MED12: variants seen among roughly 807,000 people sequenced by gnomAD.
MED12 encodes the protein mediator of RNA polymerase II transcription subunit 12.
In MED12, 10 loss-of-function variants were observed where a neutral mutation model predicts 177.7. The ratio of observed to expected loss-of-function variants is 0.06; its 90% CI spans 0.03 to 0.10. The LOEUF (loss-of-function observed/expected upper bound fraction) is 0.10, where lower values mean the gene tolerates loss of function less well. Ranked by LOEUF, MED12 falls within the 10% of genes least tolerant of loss-of-function variation. The probability of loss-of-function intolerance (pLI) is 1.00; values close to 1 mark genes in which losing one functional copy is unlikely to be tolerated. For missense variants in MED12, 867 were observed against 1,780.8 expected, an observed-to-expected ratio of 0.49 and a Z score of 9.23; for synonymous variants, 641 against 678.4, an observed-to-expected ratio of 0.94 and a Z score of 0.86.
chrX:71,121,745 A>G lies in MED12; in HGVS notation c.1030A>G (p.Thr344Ala). Residue 344 changes from threonine to alanine, a missense_variant, in exon 7 of 45, where the codon ACT (threonine) becomes GCT (alanine). Physicochemically the swap from Thr to Ala is moderately conservative, Grantham distance 58. Transcript: ENST00000374080. ...PQPPTSSTPS[T>A]PFSDLLMCPQ... The stretch of plus-strand genomic sequence containing the variant: ...GCCCCCAACTAGCAGCACACCCTCG[A>G]CTCCCTTTAGTGACCTGCTTATGTG... 8.3e-7 allele frequency: 1 copy of G among 1,209,510 alleles called. No individual in the cohort carries two copies. The highest frequency in any genetic ancestry group is 1.1e-6 in the Non-Finnish European group (1 of 894,794).
chrX:71,127,600 C>A (rs1177598697), intron 21 of MED12, 133 bp downstream of exon 21: 2 of 586,816 alleles, frequency 3.4e-6, no homozygotes, highest in African/African-American at 2.2e-5. Flanking sequence ...GTGTCCTCCA[C>A]ATACTGTTGT....
Position 71,118,743 on chromosome X carries a change from G to A in MED12, c.-12G>A, listed in dbSNP as rs754723833. On this transcript the variant is annotated 5_prime_UTR_variant, in exon 1 of 45. Coordinates refer to ENST00000374080, the MANE Select transcript of MED12 (RefSeq NM_005120.3). Reference sequence around the variant, plus strand: ...GCCCTGCTGGTGCCTCCGGCGCTACGGGCTGGGCAAGATGGCGGCCTTCGG... The same window carrying A: ...GCCCTGCTGGTGCCTCCGGCGCTACAGGCTGGGCAAGATGGCGGCCTTCGG... 1 of 1,205,030 alleles carries A rather than the reference G, an allele frequency of 8.3e-7. No homozygotes were observed. The highest frequency in any genetic ancestry group is 1.1e-6 in the Non-Finnish European group (1 of 892,170).
At chrX:71,131,465 A>G in intron 28 of MED12, 85 bp from the exon 29 acceptor site, 1 of 892,816 alleles carries the variant, frequency 1.1e-6, no homozygotes. Context: ...TCAATGTTGC[A>G]GGAGATCAGG....
At chrX:71,129,557 G>A in intron 26 of MED12, 123 bp from the exon 27 acceptor site, 1 of 996,047 alleles carries the variant, frequency 1.0e-6, no homozygotes, top group South Asian at 2.0e-5. Context: ...GGGAGGGAGA[G>A]AAGTATATTT....
chrX:71,141,001 G>A, intron 42 of MED12, 144 bp downstream of exon 42: 1 of 1,116,490 alleles, frequency 9.0e-7, no homozygotes, highest in Non-Finnish European at 1.2e-6. Context: ...TGCTGGAGAA[G>A]TTTTCTACCC....
chrX:71,140,704 C>A lies in MED12; in HGVS notation c.6114C>A (p.Val2038=). 2.9e-5 allele frequency: 35 copies of A among 1,209,646 alleles called. No homozygotes were observed. The highest frequency in any genetic ancestry group is 3.9e-5 in the Non-Finnish European group (35 of 894,977). ...STMTPMSAQG[V]QAGVRSTAIL... The stretch of plus-strand genomic sequence containing the variant: ...TGACTCCAATGAGTGCCCAGGGCGT[C>A]CAGGCAGGCGTCCGTTCAACAGCCA... Residue 2038 remains valine (V), a synonymous_variant, in exon 42 of 45, where the codon GTC becomes GTA. Transcript: ENST00000374080.
chrX:71,124,066 T>G (rs1269875967), intron 12 of MED12, 93 bp from the exon 13 acceptor site: 5 of 747,513 alleles, frequency 6.7e-6, no homozygotes, highest in Non-Finnish European at 1.0e-5. Flanking sequence ...TTCTATTTGA[T>G]CACTCTTATT....
chrX:71,123,255 T>C (rs779234357), intron 11 of MED12, 29 bp downstream of exon 11: 46 of 1,208,216 alleles, frequency 3.8e-5, no homozygotes, highest in East Asian at 2.1e-4. Flanking sequence ...GAGAACAAGA[T>C]TGGCCAATGG....
At chrX:71,134,633 C>A in intron 34 of MED12, 80 bp from the exon 35 acceptor site, 1 of 1,160,647 alleles carries the variant, frequency 8.6e-7, no homozygotes, top group Non-Finnish European at 1.2e-6. Flanking sequence ...AGCACCTCTC[C>A]CTGCTTGTGT....
intron 19 of MED12, 123 bp downstream of exon 19, chrX:71,126,607 G>A: frequency 1.2e-6 from 1 of 864,860 alleles, no homozygotes; most frequent in South Asian, 2.1e-5. Context: ...GGGGCAGAAA[G>A]ACTAGCATGG....
intron 21 of MED12, 191 bp downstream of exon 21, chrX:71,127,658 T>TA (rs1462589583): frequency 4.1e-6 from 2 of 482,093 alleles, no homozygotes; most frequent in Non-Finnish European, 7.1e-6. Flanking sequence ...TCCCCGCCTA[T>TA]ATCTGTGGGG....
intron 29 of MED12, 129 bp downstream of exon 29, chrX:71,131,750 A>G: frequency 1.5e-6 from 1 of 657,162 alleles, no homozygotes; most frequent in East Asian, 3.5e-5. Flanking sequence ...AGGGGATGGG[A>G]AAATGGTGAA....
Position 71,119,843 on chromosome X carries a change from C to T in MED12, c.362C>T (p.Ala121Val), listed in dbSNP as rs2147773601. The change falls in exon 3 of 45, where the codon GCT becomes GTT. Residue 121 changes from alanine (A) to valine (V), a missense_variant. Ala to Val is a moderately conservative substitution (Grantham distance 64). This residue lies in a region of MED12 where 42 missense variants were observed against 129.6 expected (regional missense o/e 0.32). Transcript: ENST00000374080. ...SAINTWFTDLAGTKPLTQLAK... is the reference protein window; with the variant it reads ...SAINTWFTDLVGTKPLTQLAK... Reference sequence around the variant, plus strand: ...ATTAACACTTGGTTCACTGACTTGGCTGGCACCAAGCCACTCACGCAACTA... The same window carrying T: ...ATTAACACTTGGTTCACTGACTTGGTTGGCACCAAGCCACTCACGCAACTA... 2 of 1,211,460 alleles carry T rather than the reference C, an allele frequency of 1.7e-6. No homozygotes were observed. Among genetic ancestry groups the T allele is most frequent in the Non-Finnish European group, 2.2e-6 (2 of 895,328 alleles).
chrX:71,129,934 C>G (rs1195544992), intron 27 of MED12, 79 bp downstream of exon 27: 1 of 1,175,612 alleles, frequency 8.5e-7, no homozygotes, highest in East Asian at 3.0e-5. Context: ...ATCACACCAG[C>G]TCCCTACTAT....
chrX:71,131,302 G>A (rs1471957565), intron 28 of MED12, among the ~76,000 whole-genome samples: 4 of 110,358 alleles, frequency 3.6e-5, no homozygotes, highest in Admixed American at 1.9e-4. Context: ...GCTAATTTTT[G>A]TATTTTTAGT....
chrX:71,119,274 G>T, intron 1 of MED12, 99 bp from the exon 2 acceptor site: 1 of 594,163 alleles, frequency 1.7e-6, no homozygotes, highest in Non-Finnish European at 2.8e-6. Flanking sequence ...CCCTCCTCCT[G>T]CCCTTTCACC....
At position 71,129,396 on chromosome X, in the gene MED12, G is replaced by A. The variant is rs1236099919; in HGVS notation, c.3658G>A (p.Val1220Met). The change falls in exon 26 of 45, where the codon GTG (valine) becomes ATG (methionine). Residue 1220 changes from valine (V) to methionine (M), a missense_variant. Around this residue, in one of 14 missense-constraint regions of MED12, gnomAD observed 2 missense variants for 25.0 expected, o/e 0.08. Coordinates refer to ENST00000374080, the MANE Select transcript of MED12 (RefSeq NM_005120.3). ...CCAGAACCGCATCGTGGATGGAGCC[G>A]TGTTTGCTGTTCTCAAGGCTGTGTT... The part of the protein sequence containing the change: ...ASQNRIVDGA[V>M]FAVLKAVFVL... 4.1e-6 allele frequency: 5 copies of A among 1,207,936 alleles called. No individual in the cohort carries two copies. Among genetic ancestry groups the A allele is most frequent in the Admixed American group, 2.2e-5 (1 of 46,027 alleles).
chrX:71,131,165 G>A (rs1190366151), intron 28 of MED12, among the ~76,000 whole-genome samples: 1 of 80,805 alleles, frequency 1.2e-5, no homozygotes. Flanking sequence ...TCTCGCTCTT[G>A]TCGCTCAGGC....
In MED12 at chrX:71,127,042, C is replaced by T. The variant is rs778697440; in HGVS notation, c.2759C>T (p.Thr920Ile). 4.1e-6 allele frequency: 5 copies of T among 1,210,521 alleles called. No individual in the cohort carries two copies. The Admixed American group carries it at 6.5e-5, about 16-fold the overall frequency. The change falls in exon 20 of 45, where the codon ACT becomes ATT. Residue 920 changes from threonine to isoleucine, a missense_variant. Coordinates refer to ENST00000374080, the MANE Select transcript of MED12 (RefSeq NM_005120.3). ...TCGGATCTGGTGGGCAGCTACACTA[C>T]TAGCCTGTGCCTGTGCATCGTGGCT... ...KSSDLVGSYT[T>I]SLCLCIVAVL...
Sources: gnomAD v4.1 joint callset for allele counts (sites outside exome capture counted in the v4.1 genomes callset) on GRCh38, gnomAD v4.1.1 for gene constraint, gnomAD v4.1.1 regional missense constraint, MANE v1.5 for transcripts, NCBI Gene and HGNC (gene_info 2026-07-23, HGNC 2026-07-21) for gene names.